Variants in KCNH7 observed in about 807,000 individuals in gnomAD.
KCNH7 encodes the protein potassium voltage-gated channel subfamily H member 7.
Under a neutral mutation model 120.8 loss-of-function variants are expected in KCNH7, and 49 were observed. The observed-to-expected ratio is 0.41, with a 90% CI of 0.32 to 0.51. The LOEUF (loss-of-function observed/expected upper bound fraction) is 0.51, where lower values mean the gene tolerates loss of function less well. Ranked by LOEUF, KCNH7 falls within the 20% of genes least tolerant of loss-of-function variation. The probability of loss-of-function intolerance (pLI) is 0.38; values close to 1 mark genes in which losing one functional copy is unlikely to be tolerated. For missense variants in KCNH7, 1,097 were observed against 1,446.6 expected, an observed-to-expected ratio of 0.76 and a Z score of 3.92; for synonymous variants, 547 against 516.1, an observed-to-expected ratio of 1.06 and a Z score of -0.81.
rs1162574171 is a variant in KCNH7, at chr2:162,376,583, C to T, written c.3132-2921G>A. 3.3e-5 allele frequency among the ~76,000 whole-genome samples: 5 copies of T among 151,962 alleles called. No homozygotes were observed. The East Asian group carries it at 5.8e-4, about 18-fold the overall frequency. ...TTCACCATCTTGGCCAGGCTGGTCT[C>T]GAACTCCTGACCTTGTGATCTACCT... is the stretch of plus-strand genomic sequence containing the variant. On this transcript the variant is annotated intron_variant, in intron 14 of 15. Coordinates refer to ENST00000332142, the MANE Select transcript of KCNH7 (RefSeq NM_033272.4).
intron 2 of KCNH7, among the ~76,000 whole-genome samples, chr2:162,698,160 C>T (rs1686361415): frequency 6.6e-6 from 1 of 152,038 alleles, no homozygotes; most frequent in Non-Finnish European, 1.5e-5. Context: ...AACTTCAAAT[C>T]CATAAAACAT....
At chr2:162,663,931 G>A (rs1685051869) in intron 2 of KCNH7, among the ~76,000 whole-genome samples, 1 of 152,094 alleles carries the variant, frequency 6.6e-6, no homozygotes, top group Non-Finnish European at 1.5e-5. Context: ...TGACAAATCT[G>A]CAATATTTTC....
intron 2 of KCNH7, among the ~76,000 whole-genome samples, chr2:162,724,315 T>C (rs1687435900): frequency 6.6e-6 from 1 of 152,200 alleles, no homozygotes; most frequent in Non-Finnish European, 1.5e-5. Flanking sequence ...ATACCTATGA[T>C]AAAGTTGAAT....
chr2:162,577,282 G>GATCGATCT (rs1553497405), intron 2 of KCNH7, among the ~76,000 whole-genome samples: 2 of 121,616 alleles, frequency 1.6e-5, no homozygotes, highest in African/African-American at 6.8e-5. Flanking sequence ...TTAACAGATA[G>GATCGATCT]ATCTATCTGT....
chr2:162,513,314 C>T (rs1490070460), intron 4 of KCNH7, among the ~76,000 whole-genome samples: 1 of 143,992 alleles, frequency 6.9e-6, no homozygotes, highest in Non-Finnish European at 1.5e-5. Flanking sequence ...TCCCTCCTTC[C>T]TTCTTTCCTT....
intron 2 of KCNH7, among the ~76,000 whole-genome samples, chr2:162,810,815 G>A (rs924032143): frequency 6.6e-6 from 1 of 152,096 alleles, no homozygotes; most frequent in Non-Finnish European, 1.5e-5. Context: ...GATGCAATAT[G>A]TGCCTCTAAA....
chr2:162,443,296 C>T (rs1026784319), intron 7 of KCNH7, among the ~76,000 whole-genome samples: 1 of 152,124 alleles, frequency 6.6e-6, no homozygotes. Flanking sequence ...CTTGACTTGC[C>T]TACATGTCAC....
At chr2:162,631,074 T>C (rs975506776) in intron 2 of KCNH7, among the ~76,000 whole-genome samples, 1 of 152,066 alleles carries the variant, frequency 6.6e-6, no homozygotes, top group African/African-American at 2.4e-5. Flanking sequence ...CAGAGTGAGA[T>C]TTCATAGCTG....
chr2:162,688,476 CA>C (rs1366712732), intron 2 of KCNH7, among the ~76,000 whole-genome samples: 1 of 151,996 alleles, frequency 6.6e-6, no homozygotes, highest in Non-Finnish European at 1.5e-5. Context: ...ATAGGGAACC[CA>C]AAAAGGTTCA....
chr2:162,686,944 T>C (rs1170863682), intron 2 of KCNH7, among the ~76,000 whole-genome samples: 1 of 152,124 alleles, frequency 6.6e-6, no homozygotes, highest in East Asian at 1.9e-4. Context: ...ACAGTTATTT[T>C]TAGAAGAAAG....
intron 10 of KCNH7, among the ~76,000 whole-genome samples, chr2:162,398,496 T>C (rs886697200): frequency 1.3e-5 from 2 of 151,810 alleles, no homozygotes; most frequent in Admixed American, 1.3e-4. Flanking sequence ...TATATGGAAG[T>C]AGGGACAGAA....
intron 6 of KCNH7, among the ~76,000 whole-genome samples, chr2:162,469,254 C>T (rs1689413607): frequency 6.6e-6 from 1 of 152,004 alleles, no homozygotes; most frequent in South Asian, 2.1e-4. Context: ...TCATATAAAC[C>T]AACACATTTG....
intron 2 of KCNH7, among the ~76,000 whole-genome samples, chr2:162,607,273 T>C (rs1337155309): frequency 6.6e-6 from 1 of 151,056 alleles, no homozygotes; most frequent in Non-Finnish European, 1.5e-5. Context: ...ACCTGTAGTC[T>C]TGGCTACTTG....
At chr2:162,685,710 T>C (rs1685866407) in intron 2 of KCNH7, among the ~76,000 whole-genome samples, 1 of 151,042 alleles carries the variant, frequency 6.6e-6, no homozygotes, top group African/African-American at 2.4e-5. Context: ...ATTTCAGATG[T>C]ATTAGAAAAA....
intron 2 of KCNH7, chr2:162,768,941 C>T (rs1335395925): frequency 1.3e-5 from 2 of 152,152 alleles, no homozygotes; most frequent in African/African-American, 4.8e-5. Context: ...TGTACATATT[C>T]AGAACAGCTG....
intron 6 of KCNH7, among the ~76,000 whole-genome samples, chr2:162,473,757 A>G (rs1368193317): frequency 2.6e-5 from 4 of 152,236 alleles, no homozygotes; most frequent in Non-Finnish European, 5.9e-5. Context: ...AGTGTGATGA[A>G]CACCATGATA....
intron 3 of KCNH7, among the ~76,000 whole-genome samples, chr2:162,521,128 T>G (rs950094401): frequency 6.6e-6 from 1 of 151,878 alleles, no homozygotes; most frequent in Admixed American, 6.6e-5. Context: ...ATTATGCACT[T>G]GTTGATTTTC....
intron 2 of KCNH7, among the ~76,000 whole-genome samples, chr2:162,594,309 T>C (rs1366439582): frequency 6.6e-6 from 1 of 152,020 alleles, no homozygotes; most frequent in Non-Finnish European, 1.5e-5. Context: ...TCTTTCTCTC[T>C]CTCTCATTTC....
chr2:162,536,733 A>G (rs949534762), intron 3 of KCNH7, among the ~76,000 whole-genome samples, 192 bp downstream of exon 3: 1 of 152,034 alleles, frequency 6.6e-6, no homozygotes, highest in African/African-American at 2.4e-5. Flanking sequence ...TCCAAGTTAA[A>G]TGGCTTTCAG....
Sources: gnomAD v4.1 joint callset for allele counts (sites outside exome capture counted in the v4.1 genomes callset) on GRCh38, gnomAD v4.1.1 for gene constraint, MANE v1.5 for transcripts, NCBI Gene and HGNC (gene_info 2026-07-23, HGNC 2026-07-21) for gene names.